The following ST3GAL1 variants were observed in gnomAD, a reference collection of about 807,000 sequenced individuals.
ST3GAL1 encodes the protein CMP-N-acetylneuraminate-beta-galactosamide-alpha-2,3-sialyltransferase 1.
In ST3GAL1, 16 loss-of-function variants were observed where a neutral mutation model predicts 34.1. The ratio of observed to expected loss-of-function variants is 0.47; its 90% CI spans 0.32 to 0.71. The LOEUF is 0.71. Among genes scored for constraint, ST3GAL1 ranks in the 30% least tolerant of loss-of-function variants. ST3GAL1 has a pLI of 0.04. For missense variants in ST3GAL1, 353 were observed against 447.4 expected (o/e 0.79, Z 1.90); for synonymous variants, 191 against 184.7 (o/e 1.03, Z -0.28).
In ST3GAL1 at chr8:133,465,879, G is replaced by C. The variant is rs760928620; in HGVS notation, c.503+15C>G. The C allele has an allele frequency of 1.2e-6, 2 of 1,609,122 alleles. No individual in the cohort carries two copies. The highest frequency in any genetic ancestry group is 2.2e-5 in the South Asian group (2 of 90,628). On this transcript the variant is annotated intron_variant, in intron 6 of 9. Transcript: ENST00000522652. ...GGTGCAGCACGGTAGGCTTGGGAGA[G>C]GGTCTGGCACTCACCTGAGGACAAA...
chr8:133,518,278 T>C (rs1817702699), intron 2 of ST3GAL1, among the ~76,000 whole-genome samples: 1 of 152,154 alleles, frequency 6.6e-6, no homozygotes, highest in Admixed American at 6.5e-5. Context: ...TCTGCCAGGA[T>C]TCCAATCCCC....
intron 2 of ST3GAL1, among the ~76,000 whole-genome samples, chr8:133,530,203 C>A (rs957316834): frequency 1.3e-5 from 2 of 152,112 alleles, no homozygotes; most frequent in African/African-American, 4.8e-5. Flanking sequence ...GTGAGCATCA[C>A]GCTGAGGACC....
At position 133,464,721 on chromosome 8, in the gene ST3GAL1, G is replaced by A. The variant is rs554811085; in HGVS notation, c.683+57C>T. ...CAGCAGGACCACGGCAGGGTGGGGG[G>A]ACAGGGTGCCACTGCAAGGGGCAGA... On this transcript the variant is annotated intron_variant, in intron 7 of 9. Transcript: ENST00000522652. 8 of 1,548,916 alleles carry A rather than the reference G, an allele frequency of 5.2e-6. No individual in the cohort carries two copies. The South Asian group carries it at 8.6e-5, about 17-fold the overall frequency.
rs7841977 is a variant in ST3GAL1, at chr8:133,491,684, G to T, written c.-374+7451C>A. Among the ~76,000 whole-genome samples, 3 of 152,128 alleles carry T rather than the reference G, an allele frequency of 2.0e-5. No homozygotes were observed. The South Asian group carries it at 6.2e-4, about 31-fold the overall frequency. On this transcript the variant is annotated intron_variant, in intron 3 of 9. Transcript: ENST00000522652. ...TGTCCCTAATGGGGATTAAGATCAC[G>T]TTATAAACCCAGCTACTACAATGGC...
intron 2 of ST3GAL1, among the ~76,000 whole-genome samples, chr8:133,525,746 A>G (rs1035621705): frequency 1.3e-5 from 2 of 152,158 alleles, no homozygotes; most frequent in African/African-American, 2.4e-5. Flanking sequence ...CACCCAGAGT[A>G]CATACACACC....
In ST3GAL1 at chr8:133,467,245, G is replaced by A. The variant is rs1268261045; in HGVS notation, c.307-1155C>T. 2.0e-5 allele frequency among the ~76,000 whole-genome samples: 3 copies of A among 152,180 alleles called. No individual in the cohort carries two copies. The highest frequency in any genetic ancestry group is 4.4e-5 in the Non-Finnish European group (3 of 68,024). On this transcript the variant is annotated intron_variant, in intron 5 of 9. Coordinates refer to ENST00000522652, the MANE Select transcript of ST3GAL1 (RefSeq NM_173344.3). This position sits in a 1 kb window ranked among gnomAD's most constrained non-coding sequence, Gnocchi z 4.2. ...CTCAGTGCTAAAACCAGGATGAGTT[G>A]GTATCCCTATTGGCCCCCGGTGGTT...
At chr8:133,566,281 C>T (rs911930718) in intron 1 of ST3GAL1, among the ~76,000 whole-genome samples, 3 of 152,180 alleles carry the variant, frequency 2.0e-5, no homozygotes, top group Non-Finnish European at 2.9e-5. Flanking sequence ...TGCTTCCAGG[C>T]GGATCATTCA....
chr8:133,497,103 G>C (rs1330299541), intron 3 of ST3GAL1, among the ~76,000 whole-genome samples: 1 of 152,184 alleles, frequency 6.6e-6, no homozygotes, highest in Non-Finnish European at 1.5e-5. Context: ...ACAGAGGTCT[G>C]TCAGCCACTG....
At position 133,500,177 on chromosome 8, in the gene ST3GAL1, C is replaced by T. The variant is rs1412780969; in HGVS notation, c.-428-988G>A. 5.3e-5 allele frequency among the ~76,000 whole-genome samples: 8 copies of T among 152,178 alleles called. No homozygotes were observed. The South Asian group carries it at 1.2e-3, about 24-fold the overall frequency. On this transcript the variant is annotated intron_variant, in intron 2 of 9. Coordinates refer to ENST00000522652, the MANE Select transcript of ST3GAL1 (RefSeq NM_173344.3). Reference sequence around the variant, plus strand: ...GCTTTTGCTCCTGTCACCTGTAATGCACTTTTCCACCAGGGACAGGGATAA... The same window carrying T: ...GCTTTTGCTCCTGTCACCTGTAATGTACTTTTCCACCAGGGACAGGGATAA...
At chr8:133,547,622 G>T (rs1422098952) in intron 1 of ST3GAL1, among the ~76,000 whole-genome samples, 1 of 152,152 alleles carries the variant, frequency 6.6e-6, no homozygotes, top group African/African-American at 2.4e-5. Context: ...TCAGCCCCCA[G>T]ATGTGTGGAT....
chr8:133,520,254 G>A (rs1817762853), intron 2 of ST3GAL1, among the ~76,000 whole-genome samples: 7 of 152,192 alleles, frequency 4.6e-5, no homozygotes, highest in Admixed American at 2.6e-4. Flanking sequence ...GGCTGGAGCC[G>A]GGGACAACTC....
chr8:133,534,156 G>C (rs1482963091), intron 2 of ST3GAL1, among the ~76,000 whole-genome samples: 1 of 152,078 alleles, frequency 6.6e-6, no homozygotes, highest in Non-Finnish European at 1.5e-5. Context: ...TCAACCAACA[G>C]AATAAGCAAA....
In ST3GAL1 at chr8:133,458,598, G is replaced by T. The variant is rs1228459179; in HGVS notation, c.*1166C>A. The T allele has an allele frequency of 6.6e-6, 1 of 152,252 alleles. No homozygotes were observed. Among genetic ancestry groups the T allele is most frequent in the Non-Finnish European group, 1.5e-5 (1 of 68,070 alleles). 9.4% of individuals were successfully genotyped at this position (152,252 alleles called of 1,614,324 possible). ...TGCTGGGTGGTGTTGAGTATCCTCAGAGCTTCGTTGCAATTCAGGTGCTGG... is the reference window on the plus strand; with the variant it reads ...TGCTGGGTGGTGTTGAGTATCCTCATAGCTTCGTTGCAATTCAGGTGCTGG... On this transcript the variant is annotated 3_prime_UTR_variant, in exon 10 of 10. Coordinates refer to ENST00000522652, the MANE Select transcript of ST3GAL1 (RefSeq NM_173344.3).
intron 5 of ST3GAL1, among the ~76,000 whole-genome samples, chr8:133,475,270 C>T (rs993584945): frequency 6.6e-6 from 1 of 152,344 alleles, no homozygotes; most frequent in East Asian, 1.9e-4. Flanking sequence ...GAGCCAGGAG[C>T]GGGCCTGGGG....
rs373360417 is a variant in ST3GAL1 at position 133,475,057 on chromosome 8, T to G, written c.306+662A>C. Reference sequence around the variant, plus strand: ...CATTTGGAAAAAGCGCCTCTGTGGGTGAAATTGTTGAGGATCTCTGCATGA... The same window carrying G: ...CATTTGGAAAAAGCGCCTCTGTGGGGGAAATTGTTGAGGATCTCTGCATGA... On this transcript the variant is annotated intron_variant, in intron 5 of 9. Coordinates refer to ENST00000522652, the MANE Select transcript of ST3GAL1 (RefSeq NM_173344.3). 3.6e-4 allele frequency among the ~76,000 whole-genome samples: 54 copies of G among 152,078 alleles called. No individual in the cohort carries two copies. In the East Asian group the frequency reaches 7.9e-3, roughly 22 times the overall value.
intron 1 of ST3GAL1, among the ~76,000 whole-genome samples, chr8:133,558,105 C>A (rs1819111887): frequency 1.3e-5 from 2 of 152,188 alleles, no homozygotes; most frequent in African/African-American, 2.4e-5. Context: ...TGGTTGGAAG[C>A]TTTGAATGAG....
At chr8:133,473,653 T>G (rs1289636631) in intron 5 of ST3GAL1, among the ~76,000 whole-genome samples, 1 of 152,200 alleles carries the variant, frequency 6.6e-6, no homozygotes, top group African/African-American at 2.4e-5. Context: ...CCCTGCTGGT[T>G]CTCAAGGGAG....
chr8:133,551,594 GAAAGAAAGAAAGAAAGAAAGAAA>G (rs1563739143), intron 1 of ST3GAL1, among the ~76,000 whole-genome samples: 1 of 150,334 alleles, frequency 6.7e-6, no homozygotes, highest in Non-Finnish European at 1.5e-5. Flanking sequence ...AAGAAAGAAA[GAAAGAAAGAAAGAAAGAAAGAAA>G]GAGCGAGCAA....
At chr8:133,538,346 C>T (rs1818368646) in intron 2 of ST3GAL1, among the ~76,000 whole-genome samples, 1 of 152,170 alleles carries the variant, frequency 6.6e-6, no homozygotes. Flanking sequence ...GAAACCCCAT[C>T]TCTACTACAA....
Sources: gnomAD v4.1 joint callset for allele counts (sites outside exome capture counted in the v4.1 genomes callset) on GRCh38, gnomAD v4.1.1 for gene constraint, Gnocchi (gnomAD v3.1) non-coding constraint, MANE v1.5 for transcripts, NCBI Gene and HGNC (gene_info 2026-07-23, HGNC 2026-07-21) for gene names.